Variants in CSF1R observed in about 807,000 individuals in gnomAD.
The protein encoded by CSF1R is macrophage colony-stimulating factor 1 receptor.
CSF1R carries 40 observed loss-of-function variants against 110.0 expected under a neutral mutation model. The observed-to-expected ratio is 0.36, with a 90% CI of 0.28 to 0.47. CSF1R has a LOEUF of 0.47. CSF1R is among the 20% of genes least tolerant of loss of function. CSF1R has a pLI of 0.99. For synonymous variants in CSF1R, 523 were observed against 503.4 expected (o/e 1.04, Z -0.52); for missense variants, 1,052 against 1,253.0 (o/e 0.84, Z 2.42).
At chr5:150,101,567 G>A (rs1019377586) in intron 1 of CSF1R, among the ~76,000 whole-genome samples, 1 of 152,010 alleles carries the variant, frequency 6.6e-6, no homozygotes, top group Non-Finnish European at 1.5e-5. Context: ...CAATCAGCAG[G>A]TCCACCAGTC....
At chr5:150,076,396 A>G (rs1035318512) in intron 5 of CSF1R, among the ~76,000 whole-genome samples, 6 of 151,958 alleles carry the variant, frequency 3.9e-5, no homozygotes, top group South Asian at 2.1e-4. Flanking sequence ...TCTTCTATCT[A>G]TGAAGGCAGT....
intron 1 of CSF1R, 78 bp from the exon 2 acceptor site, chr5:150,081,102 G>A (rs1370029386): frequency 6.5e-7 from 1 of 1,531,296 alleles, no homozygotes; most frequent in Non-Finnish European, 8.9e-7. Context: ...TGAGATGGGT[G>A]GTAGCTTGGC....
At chr5:150,090,254 A>G (rs1241229441), upstream of CSF1R, among the ~76,000 whole-genome samples, 1 of 152,246 alleles carries the variant, frequency 6.6e-6, no homozygotes, top group African/African-American at 2.4e-5. Context: ...TTATATCCAC[A>G]ATAAATAAAT....
upstream of CSF1R, among the ~76,000 whole-genome samples, chr5:150,088,016 A>G (rs1581335770): frequency 1.3e-5 from 2 of 152,308 alleles, no homozygotes; most frequent in East Asian, 1.9e-4. Context: ...GATTATAGGT[A>G]TGAGCCACTA....
intron 19 of CSF1R, chr5:150,054,642 A>G (rs955259025): frequency 7.7e-6 from 4 of 517,244 alleles, no homozygotes; most frequent in Non-Finnish European, 1.4e-5. Context: ...TCATTCTGAC[A>G]GATGAGGCCA....
At chr5:150,097,717 A>C (rs1252570069) in intron 1 of CSF1R, among the ~76,000 whole-genome samples, 2 of 152,256 alleles carry the variant, frequency 1.3e-5, no homozygotes, top group African/African-American at 4.8e-5. Context: ...CAAGATCTGC[A>C]TACTGTGTAC....
At chr5:150,092,183 A>G (rs1759065674) in intron 1 of CSF1R, among the ~76,000 whole-genome samples, 1 of 152,256 alleles carries the variant, frequency 6.6e-6, no homozygotes, top group Non-Finnish European at 1.5e-5. Flanking sequence ...GCTATGTTCC[A>G]ATCATACCTT....
At position 150,070,570 on chromosome 5, in the gene CSF1R, G is replaced by A. The variant is rs1272581720; in HGVS notation, c.1084C>T (p.His362Tyr). 1.8e-5 allele frequency: 27 copies of A among 1,513,898 alleles called. No individual in the cohort carries two copies. The East Asian group carries it at 4.4e-4, about 25-fold the overall frequency. The allele number at this position is 1,513,898 out of a possible 1,614,324, so 93.8% of individuals were successfully genotyped here. The change falls in exon 7 of 21, where the codon CAC becomes TAC. Residue 362 changes from histidine to tyrosine, a missense_variant and splice_region_variant. Coordinates refer to ENST00000675795, the MANE Select transcript of CSF1R (RefSeq NM_001288705.3). ...ANATTKDTYR[H>Y]TFTLSLPRLK... ...CGGGGCAGAGAGAGGGTGAAGGTGTGCCTGCAGGAGAGAATCAGGTGGTGT... is the reference window on the plus strand; with the variant it reads ...CGGGGCAGAGAGAGGGTGAAGGTGTACCTGCAGGAGAGAATCAGGTGGTGT...
At chr5:150,099,754 G>A (rs1339058157) in intron 1 of CSF1R, among the ~76,000 whole-genome samples, 1 of 102,286 alleles carries the variant, frequency 9.8e-6, no homozygotes, top group African/African-American at 3.8e-5. Context: ...GGGGTGGGGG[G>A]TTGGGGAATT....
chr5:150,081,150 G>A lies in CSF1R; in HGVS notation c.50-126C>T, dbSNP rs1758525070. On this transcript the variant is annotated intron_variant, in intron 1 of 20. Transcript: ENST00000675795. ...GTGCCATCAAGGGACCACCTTGAACGAGCCCCTGCCCCCTGGTCATTTGCT... is the reference window on the plus strand; with the variant it reads ...GTGCCATCAAGGGACCACCTTGAACAAGCCCCTGCCCCCTGGTCATTTGCT... 6.6e-6 allele frequency: 7 copies of A among 1,056,246 alleles called. 1 individual carries two copies. Among genetic ancestry groups the A allele is most frequent in the Middle Eastern group, 2.7e-4 (1 of 3,752 alleles). The allele number at this position is 1,056,246 out of a possible 1,614,324, so 65.4% of individuals were successfully genotyped here.
Position 150,080,755 on chromosome 5 carries a change from C to T in CSF1R, c.307+12G>A, listed in dbSNP as rs370441558. On this transcript the variant is annotated intron_variant, in intron 2 of 20. Coordinates refer to ENST00000675795, the MANE Select transcript of CSF1R (RefSeq NM_001288705.3). ...GGGTCAGGCCTCTTGGGAGGAGGCT[C>T]AGACTCCTCACCTTTGACATAGAGG... is the stretch of plus-strand genomic sequence containing the variant. The T allele has an allele frequency of 1.6e-5, 26 of 1,613,962 alleles. No individual in the cohort carries two copies. In the African/African-American group the frequency reaches 2.7e-4, roughly 17 times the overall value.
chr5:150,073,445 ACCT>A lies in CSF1R; in HGVS notation c.935_937del (p.Glu312del), dbSNP rs1758116222. On this transcript the variant is annotated inframe_deletion, in exon 6 of 21. Coordinates refer to ENST00000675795, the MANE Select transcript of CSF1R (RefSeq NM_001288705.3). Reference sequence around the variant, plus strand: ...GAGGTTGAGCCCCTCCCCCACGGTCACCTCCTGGATGAGGTTCTGCTCAGAGCT... The same window carrying A: ...GAGGTTGAGCCCCTCCCCCACGGTCACCTGGATGAGGTTCTGCTCAGAGCT... The A allele has an allele frequency of 1.2e-6, 2 of 1,613,818 alleles. No individual in the cohort carries two copies. Among genetic ancestry groups the A allele is most frequent in the African/African-American group, 2.7e-5 (2 of 74,856 alleles).
At position 150,053,751 on chromosome 5, in the gene CSF1R, T is replaced by C; in HGVS notation, c.*318A>G. ...TTCATAGGCATAAAGTCAGTCCATT[T>C]CCATGAAGATAAGGGGATTAGGAAA... On this transcript the variant is annotated 3_prime_UTR_variant, in exon 21 of 21. Coordinates refer to ENST00000675795, the MANE Select transcript of CSF1R (RefSeq NM_001288705.3). 4.4e-6 allele frequency: 2 copies of C among 453,278 alleles called. No individual in the cohort carries two copies. Among genetic ancestry groups the C allele is most frequent in the South Asian group, 2.4e-5 (1 of 42,542 alleles). The allele number at this position is 453,278 out of a possible 1,614,324, so 28.1% of individuals were successfully genotyped here.
chr5:150,076,364 ATCT>A (rs1758266621), intron 5 of CSF1R, among the ~76,000 whole-genome samples: 1 of 116,162 alleles, frequency 8.6e-6, no homozygotes, highest in Non-Finnish European at 1.8e-5. Flanking sequence ...CTATCTATCT[ATCT>A]ATCTATCTAA....
At chr5:150,066,709 C>A (rs927469324) in intron 10 of CSF1R, among the ~76,000 whole-genome samples, 1 of 152,034 alleles carries the variant, frequency 6.6e-6, no homozygotes, top group Non-Finnish European at 1.5e-5. Flanking sequence ...CCACTTCAAG[C>A]CCTCTTCTCA....
intron 5 of CSF1R, among the ~76,000 whole-genome samples, chr5:150,075,355 C>T (rs12651699): frequency 0.21 from 32,620 of 152,046 alleles, 5,565 homozygotes; most frequent in East Asian, 0.53. Flanking sequence ...CTCCTTTCAT[C>T]TCACCTTCCC....
rs1757525081 is a variant in CSF1R at position 150,061,497 on chromosome 5, G to A, written c.1852C>T (p.Leu618=). 7.4e-7 allele frequency: 1 copy of A among 1,347,552 alleles called. No individual in the cohort carries two copies. Among genetic ancestry groups the A allele is most frequent in the African/African-American group, 1.5e-5 (1 of 64,930 alleles). 83.5% of individuals were successfully genotyped at this position (1,347,552 alleles called of 1,614,324 possible). Residue 618 remains leucine (L), a synonymous_variant, in exon 12 of 21, where the codon CTG becomes TTG. Transcript: ENST00000675795. ...ATCCCCTCCCCTCACTCACACTTCA[G>A]CATCTTCACAGCCACCTTCAGGACA... The part of the protein sequence containing the change: ...DAVLKVAVKM[L]KSTAHADEKE...
Position 150,071,469 on chromosome 5 carries a change from G to C in CSF1R, c.1083-898C>G, listed in dbSNP as rs1353892794. On this transcript the variant is annotated intron_variant, in intron 6 of 20. Transcript: ENST00000675795. ...AGCTACTACTAGACTAAAATCTATG[G>C]TATTCAGAGAGCAGTCTCATCCAGC... Among the ~76,000 whole-genome samples the C allele has an allele frequency of 2.0e-5, 3 of 152,188 alleles. No homozygotes were observed. The East Asian group carries it at 5.8e-4, about 29-fold the overall frequency.
chr5:150,056,012 G>C lies in CSF1R; in HGVS notation c.2554+14C>G, dbSNP rs774473631. 1 of 1,611,734 alleles carries C rather than the reference G, an allele frequency of 6.2e-7. No individual in the cohort carries two copies. Among genetic ancestry groups the C allele is most frequent in the Non-Finnish European group, 8.5e-7 (1 of 1,178,006 alleles). ...CAGCCCCAGGCTCTGCCTGGAGTGGGCCCAGTGGCTCACCAAGTGAGAAGA... is the reference window on the plus strand; with the variant it reads ...CAGCCCCAGGCTCTGCCTGGAGTGGCCCCAGTGGCTCACCAAGTGAGAAGA... On this transcript the variant is annotated intron_variant, in intron 18 of 20. Coordinates refer to ENST00000675795, the MANE Select transcript of CSF1R (RefSeq NM_001288705.3).
Sources: allele counts gnomAD v4.1 joint callset (sites outside exome capture counted in the v4.1 genomes callset), GRCh38; gene constraint gnomAD v4.1.1; transcripts MANE v1.5; gene names NCBI Gene and HGNC (gene_info 2026-07-23, HGNC 2026-07-21).